Variants in ALG1 observed in about 807,000 individuals in gnomAD.
The protein encoded by ALG1 is ALG1 chitobiosyldiphosphodolichol beta-mannosyltransferase, also known as chitobiosyldiphosphodolichol beta-mannosyltransferase.
Under a neutral mutation model 55.1 loss-of-function variants are expected in ALG1, and 58 were observed. The ratio of observed to expected loss-of-function variants is 1.05; its 90% CI spans 0.85 to 1.31. ALG1 has a LOEUF of 1.31. Among genes scored for constraint, ALG1 ranks in the 50% most tolerant of loss-of-function variants. The pLI, the probability that ALG1 is intolerant of heterozygous loss-of-function variation, is 0.00. For missense variants in ALG1, 761 were observed against 598.6 expected (o/e 1.27, Z -2.83); for synonymous variants, 309 against 247.0 (o/e 1.25, Z -2.35).
intron 2 of ALG1, 41 bp from the exon 3 acceptor site, chr16:5,073,112 A>T: frequency 6.2e-7 from 1 of 1,612,862 alleles, no homozygotes; most frequent in Non-Finnish European, 8.5e-7. Flanking sequence ...GCAGATTGCC[A>T]GACGCTCCTT....
chr16:5,074,173 G>A (rs1956868097), intron 3 of ALG1, among the ~76,000 whole-genome samples: 1 of 150,490 alleles, frequency 6.6e-6, no homozygotes, highest in Non-Finnish European at 1.5e-5. Flanking sequence ...TTCCTGAGAT[G>A]GAGTCTCTGT....
At chr16:5,078,283 C>G (rs559380575) in intron 6 of ALG1, 14 of 670,262 alleles carry the variant, frequency 2.1e-5, no homozygotes, top group African/African-American at 1.6e-4. Context: ...AGTATTTACT[C>G]TCTGGCCCTT....
intron 3 of ALG1, among the ~76,000 whole-genome samples, 157 bp from the exon 4 acceptor site, chr16:5,075,231 A>G (rs970910491): frequency 1.3e-5 from 2 of 151,962 alleles, no homozygotes; most frequent in African/African-American, 2.4e-5. Flanking sequence ...GACTTTTTAC[A>G]TCTATTTTGG....
At chr16:5,073,352 T>G in intron 3 of ALG1, 96 bp downstream of exon 3, 5 of 1,141,340 alleles carry the variant, frequency 4.4e-6, no homozygotes, top group Non-Finnish European at 6.5e-6. Context: ...TATGTGTGTG[T>G]GTTGTGTGTA....
At chr16:5,083,942 C>A (rs930039723) in intron 12 of ALG1, among the ~76,000 whole-genome samples, 185 bp downstream of exon 12, 1 of 152,016 alleles carries the variant, frequency 6.6e-6, no homozygotes, top group East Asian at 1.9e-4. Flanking sequence ...ACAGTAGGCT[C>A]GGGAAAGTTA....
chr16:5,078,974 T>C, intron 7 of ALG1, 90 bp from the exon 8 acceptor site: 1 of 1,595,380 alleles, frequency 6.3e-7, no homozygotes, highest in Non-Finnish European at 8.5e-7. Flanking sequence ...GCTCCCACCC[T>C]GCCACGGTCT....
At chr16:5,079,488 G>A (rs1202042420) in intron 8 of ALG1, among the ~76,000 whole-genome samples, 3 of 152,162 alleles carry the variant, frequency 2.0e-5, no homozygotes, top group South Asian at 2.1e-4. Context: ...TCAGGAGTTC[G>A]AGACCAACCT....
chr16:5,086,057 C>T lies in ALG1; in HGVS notation c.*1176C>T, dbSNP rs1051976603. ...CTCTTCACAAAGCTTAGAAAGCGGC[C>T]GGGCACAGTGGCTCATGCCTGTAAT... On this transcript the variant is annotated 3_prime_UTR_variant, in exon 13 of 13. Transcript: ENST00000262374. Among the ~76,000 whole-genome samples the T allele has an allele frequency of 3.9e-5, 6 of 152,304 alleles. No homozygotes were observed. The highest frequency in any genetic ancestry group is 2.1e-4 in the South Asian group (1 of 4,826).
At position 5,073,211 on chromosome 16, in the gene ALG1, G is replaced by A. The variant is rs140696119; in HGVS notation, c.345G>A (p.Leu115=). Reference sequence around the variant, plus strand: ...TTGTACTTCAGGCTATGTACTTGCTGTGGAAGTTGATGTGGAGGGAGCCAG... The same window carrying A: ...TTGTACTTCAGGCTATGTACTTGCTATGGAAGTTGATGTGGAGGGAGCCAG... The part of the protein sequence containing the change: ...VKVVLQAMYL[L]WKLMWREPGA... The change falls in exon 3 of 13, where the codon CTG becomes CTA. Residue 115 remains leucine, a synonymous_variant. Coordinates refer to ENST00000262374, the MANE Select transcript of ALG1 (RefSeq NM_019109.5). 1 of 1,614,102 alleles carries A rather than the reference G, an allele frequency of 6.2e-7. No individual in the cohort carries two copies. Among genetic ancestry groups the A allele is most frequent in the African/African-American group, 1.3e-5 (1 of 74,934 alleles).
chr16:5,080,284 T>C (rs1412236832), intron 9 of ALG1, among the ~76,000 whole-genome samples: 1 of 152,054 alleles, frequency 6.6e-6, no homozygotes, highest in African/African-American at 2.4e-5. Context: ...AGGCTGGTCT[T>C]GAACTCCTGA....
Position 5,086,058 on chromosome 16 carries a change from G to A in ALG1, c.*1177G>A, listed in dbSNP as rs773075103. 1.3e-5 allele frequency among the ~76,000 whole-genome samples: 2 copies of A among 152,212 alleles called. No individual in the cohort carries two copies. Among genetic ancestry groups the A allele is most frequent in the African/African-American group, 2.4e-5 (1 of 41,460 alleles). ...TCTTCACAAAGCTTAGAAAGCGGCC[G>A]GGCACAGTGGCTCATGCCTGTAATC... On this transcript the variant is annotated 3_prime_UTR_variant, in exon 13 of 13. Coordinates refer to ENST00000262374, the MANE Select transcript of ALG1 (RefSeq NM_019109.5).
rs373396169 is a variant in ALG1 at position 5,079,796 on chromosome 16, G to T, written c.950G>T (p.Cys317Phe). The T allele has an allele frequency of 3.1e-6, 5 of 1,611,770 alleles. No homozygotes were observed. In the South Asian group the frequency reaches 3.3e-5, roughly 11 times the overall value. ...LDGHNLPSLV[C>F]VITGKGPLRE... ...GGACACAACCTTCCTTCTCTCGTCT[G>T]TGTGATAACAGGTACTGCCTGGGAC... The change falls in exon 9 of 13, where the codon TGT becomes TTT. Residue 317 changes from cysteine (C) to phenylalanine (F), a missense_variant. Transcript: ENST00000262374.
At chr16:5,079,893 A>T in intron 9 of ALG1, 86 bp downstream of exon 9, 1 of 1,480,582 alleles carries the variant, frequency 6.8e-7, no homozygotes. Context: ...GCTTCCCATG[A>T]TCTTGTCTCC....
rs748321502 is a variant in ALG1 at position 5,079,738 on chromosome 16, C to G, written c.902-10C>G. On this transcript the variant is annotated splice_polypyrimidine_tract_variant and intron_variant, in intron 8 of 12. Coordinates refer to ENST00000262374, the MANE Select transcript of ALG1 (RefSeq NM_019109.5). ...ATTCCATGTAGAATTGTTTCTTTTTCTAAACACAGAGTTTGAACAACTGAC... is the reference window on the plus strand; with the variant it reads ...ATTCCATGTAGAATTGTTTCTTTTTGTAAACACAGAGTTTGAACAACTGAC... The G allele has an allele frequency of 1.1e-5, 17 of 1,610,496 alleles. No homozygotes were observed. The highest frequency in any genetic ancestry group is 1.4e-5 in the Non-Finnish European group (17 of 1,179,132).
At position 5,085,713 on chromosome 16, in the gene ALG1, C is replaced by G. The variant is rs1957136559; in HGVS notation, c.*832C>G. On this transcript the variant is annotated 3_prime_UTR_variant, in exon 13 of 13. Transcript: ENST00000262374. The stretch of plus-strand genomic sequence containing the variant: ...TCTGCTCATGACGAGGTTCCACTTC[C>G]CATCTGATCCCGGCCCGGCCTGGAA... The G allele has an allele frequency of 6.2e-7, 1 of 1,611,746 alleles. No homozygotes were observed. The highest frequency in any genetic ancestry group is 8.5e-7 in the Non-Finnish European group (1 of 1,179,674).
rs1397542618 is a variant in ALG1 at position 5,077,934 on chromosome 16, A to G, written c.657A>G (p.Ala219=). ...CTGTGACCGTCTACGACAAGCCCGC[A>G]TCTTTCTTTAAAGAGACACCTCTGG... ...IRAVTVYDKP[A]SFFKETPLDL... The change falls in exon 6 of 13, where the codon GCA becomes GCG. Residue 219 remains alanine, a synonymous_variant. Transcript: ENST00000262374. 1.2e-6 allele frequency: 2 copies of G among 1,607,660 alleles called. No homozygotes were observed. The highest frequency in any genetic ancestry group is 1.7e-5 in the Admixed American group (1 of 60,012).
intron 11 of ALG1, among the ~76,000 whole-genome samples, 187 bp from the exon 12 acceptor site, chr16:5,083,495 G>A (rs575504003): frequency 1.3e-5 from 2 of 152,098 alleles, no homozygotes; most frequent in Non-Finnish European, 2.9e-5. Flanking sequence ...CCATTTTGAT[G>A]TGCACCCCCC....
rs1467262623 is a variant in ALG1, at chr16:5,083,855, C to T, written c.1263+98C>T. 2.6e-6 allele frequency: 4 copies of T among 1,564,330 alleles called. No homozygotes were observed. In the African/African-American group the frequency reaches 5.4e-5, roughly 21 times the overall value. ...CTGCTTCCCACAGCCAGGGTGGGACCATGTGGGGTCTGGCGGAAAAGCTAG... is the reference window on the plus strand; with the variant it reads ...CTGCTTCCCACAGCCAGGGTGGGACTATGTGGGGTCTGGCGGAAAAGCTAG... On this transcript the variant is annotated intron_variant, in intron 12 of 12. Coordinates refer to ENST00000262374, the MANE Select transcript of ALG1 (RefSeq NM_019109.5).
chr16:5,085,745 C>T lies in ALG1; in HGVS notation c.*864C>T, dbSNP rs1364719150. 16 of 1,597,226 alleles carry T rather than the reference C, an allele frequency of 1.0e-5. No individual in the cohort carries two copies. Among genetic ancestry groups the T allele is most frequent in the Admixed American group, 1.7e-5 (1 of 59,964 alleles). ...ATCCCGGCCCGGCCTGGAAACAGAGCACATGTGTTTGAGGATGGCGGTGTT... is the reference window on the plus strand; with the variant it reads ...ATCCCGGCCCGGCCTGGAAACAGAGTACATGTGTTTGAGGATGGCGGTGTT... On this transcript the variant is annotated 3_prime_UTR_variant, in exon 13 of 13. Coordinates refer to ENST00000262374, the MANE Select transcript of ALG1 (RefSeq NM_019109.5).
Sources: allele counts gnomAD v4.1 joint callset (sites outside exome capture counted in the v4.1 genomes callset), GRCh38; gene constraint gnomAD v4.1.1; transcripts MANE v1.5; gene names NCBI Gene and HGNC (gene_info 2026-07-23, HGNC 2026-07-21).